The following TTLL9 variants were observed in gnomAD, a reference collection of about 807,000 sequenced individuals.
TTLL9 encodes the protein probable tubulin polyglutamylase TTLL9.
TTLL9 carries 47 observed loss-of-function variants against 65.6 expected under a neutral mutation model. That is an observed-to-expected ratio of 0.72 (90% confidence interval 0.57 to 0.91). The LOEUF is 0.91. Ranked by LOEUF, TTLL9 falls within the 40% of genes least tolerant of loss-of-function variation. TTLL9 has a pLI of 0.00. For synonymous variants in TTLL9, 179 were observed against 204.8 expected, an observed-to-expected ratio of 0.87 and a Z score of 1.07; for missense variants, 537 against 568.8, an observed-to-expected ratio of 0.94 and a Z score of 0.57.
At chr20:31,931,342 G>A (rs1400638419) in intron 10 of TTLL9, among the ~76,000 whole-genome samples, 1 of 152,012 alleles carries the variant, frequency 6.6e-6, no homozygotes, top group Non-Finnish European at 1.5e-5. Context: ...CCCTTCCAAA[G>A]TGCTGGGATT....
intron 2 of TTLL9, chr20:31,873,133 A>G: frequency 2.3e-6 from 1 of 430,544 alleles, no homozygotes. Flanking sequence ...TTCACAGGGC[A>G]GCTGAAAGGA....
intron 13 of TTLL9, chr20:31,938,184 G>A: frequency 2.2e-6 from 1 of 452,558 alleles, no homozygotes; most frequent in Non-Finnish European, 4.4e-6. Flanking sequence ...TCCAGCAGAA[G>A]TTTGAGGGCT....
chr20:31,870,867 C>T lies in TTLL9; in HGVS notation c.-88C>T, dbSNP rs1882765750. On this transcript the variant is annotated 5_prime_UTR_variant, in exon 1 of 15. Coordinates refer to ENST00000535842, the MANE Select transcript of TTLL9 (RefSeq NM_001008409.5). The surrounding 1 kb of genome is among the most constrained non-coding windows in gnomAD (Gnocchi z 6.6). Reference sequence around the variant, plus strand: ...GGAAAGCACCCAACTTCTCCCGCCTCGGCTTCTAGCAGAAACGTGACGGGG... The same window carrying T: ...GGAAAGCACCCAACTTCTCCCGCCTTGGCTTCTAGCAGAAACGTGACGGGG... 1.8e-6 allele frequency: 1 copy of T among 542,476 alleles called. No homozygotes were observed. Among genetic ancestry groups the T allele is most frequent in the South Asian group, 2.7e-5 (1 of 36,902 alleles). 33.6% of individuals were successfully genotyped at this position (542,476 alleles called of 1,614,324 possible).
At chr20:31,887,290 C>T (rs768990700) in intron 3 of TTLL9, 51 bp downstream of exon 3, 66 of 1,587,332 alleles carry the variant, frequency 4.2e-5, no homozygotes, top group Non-Finnish European at 5.5e-5. Context: ...ACTTCTCTCC[C>T]TCCCTCCCCT....
At chr20:31,927,524 G>T (rs1279933126) in intron 10 of TTLL9, among the ~76,000 whole-genome samples, 8 of 149,002 alleles carry the variant, frequency 5.4e-5, no homozygotes, top group Admixed American at 1.3e-4. Context: ...AATAGATGTT[G>T]CCTTTGGGAA....
At chr20:31,936,436 C>G (rs560302224) in intron 12 of TTLL9, among the ~76,000 whole-genome samples, 12 of 151,680 alleles carry the variant, frequency 7.9e-5, no homozygotes, top group Admixed American at 6.6e-4. Context: ...CACCACTGCT[C>G]TCTAGCCTGA....
chr20:31,908,788 A>G (rs902997947), intron 5 of TTLL9, 86 bp downstream of exon 5: 9 of 1,096,736 alleles, frequency 8.2e-6, no homozygotes, highest in Non-Finnish European at 1.2e-5. Context: ...AAGGATCAGA[A>G]AAGTGTATTA....
At chr20:31,933,480 T>G (rs2064054363) in intron 10 of TTLL9, among the ~76,000 whole-genome samples, 1 of 152,082 alleles carries the variant, frequency 6.6e-6, no homozygotes, top group South Asian at 2.1e-4. Context: ...AACCGTAGTA[T>G]AATAGCTATG....
chr20:31,894,583 T>C (rs2063355521), intron 3 of TTLL9, among the ~76,000 whole-genome samples: 1 of 152,206 alleles, frequency 6.6e-6, no homozygotes. Flanking sequence ...GCTTTGCTAT[T>C]GCATGTGTTA....
chr20:31,934,813 AG>A lies in TTLL9; in HGVS notation c.930del (p.Lys311ArgfsTer2). 6.2e-7 allele frequency: 1 copy of A among 1,614,054 alleles called. No individual in the cohort carries two copies. ...NIFVKSLQSV[Q>X]KVIISDKHCF... ...TTTGTCAAAAGCCTGCAGAGTGTGC[AG>A]AAGGTGATCATCAGTGACAAGCACT... On this transcript the variant is annotated frameshift_variant, in exon 12 of 15. Transcript: ENST00000535842. LOFTEE classifies it high-confidence loss of function.
chr20:31,933,808 C>G lies in TTLL9; in HGVS notation c.757C>G (p.Leu253Val). 1.9e-6 allele frequency: 3 copies of G among 1,614,084 alleles called. No homozygotes were observed. Among genetic ancestry groups the G allele is most frequent in the Non-Finnish European group, 2.5e-6 (3 of 1,179,930 alleles). Residue 253 changes from leucine (L) to valine (V), a missense_variant, in exon 11 of 15, where the codon CTC (leucine) becomes GTC (valine). Around this residue, in one of 3 missense-constraint regions of TTLL9, gnomAD observed 12 missense variants for 32.0 expected, o/e 0.37. Coordinates refer to ENST00000535842, the MANE Select transcript of TTLL9 (RefSeq NM_001008409.5). ...CCACCACCCTCTCCCAGATGTTCAC[C>G]TCACCAACGTGGCTGTGCAAAAAAC... ...WSGHRRQDVH[L>V]TNVAVQKTSP...
intron 8 of TTLL9, 87 bp downstream of exon 8, chr20:31,923,140 GC>G: frequency 9.5e-7 from 1 of 1,047,350 alleles, no homozygotes; most frequent in Non-Finnish European, 1.5e-6. Flanking sequence ...CCTGCCAAGG[GC>G]CCAGCCTGAC....
rs772000244 is a variant in TTLL9, at chr20:31,934,809, G to A, written c.925G>A (p.Val309Met). ...CATCTTTGTCAAAAGCCTGCAGAGT[G>A]TGCAGAAGGTGATCATCAGTGACAA... is the stretch of plus-strand genomic sequence containing the variant. ...DNIFVKSLQS[V>M]QKVIISDKHC... The change falls in exon 12 of 15, where the codon GTG becomes ATG. Residue 309 changes from valine to methionine, a missense_variant. This residue lies in a region of TTLL9 where 205 missense variants were observed against 225.9 expected (regional missense o/e 0.91). Transcript: ENST00000535842. 6.8e-6 allele frequency: 11 copies of A among 1,614,060 alleles called. No individual in the cohort carries two copies. The highest frequency in any genetic ancestry group is 1.7e-5 in the Admixed American group (1 of 60,022).
At chr20:31,909,956 G>GGGGGGC in intron 6 of TTLL9, 34 bp downstream of exon 6, 1 of 658,920 alleles carries the variant, frequency 1.5e-6, no homozygotes, top group Non-Finnish European at 2.8e-6. Context: ...GGGTGGGAGG[G>GGGGGGC]AATGAGTCCC....
intron 11 of TTLL9, chr20:31,934,276 G>A (rs2064069544): frequency 2.0e-6 from 1 of 509,158 alleles, no homozygotes; most frequent in Non-Finnish European, 3.8e-6. Context: ...GGACACAGGA[G>A]AGCAGGTCCC....
chr20:31,881,071 C>T (rs1299486853), intron 2 of TTLL9, among the ~76,000 whole-genome samples: 1 of 151,784 alleles, frequency 6.6e-6, no homozygotes, highest in African/African-American at 2.4e-5. Context: ...GCTATGTTGC[C>T]CAGCCTTGTC....
At chr20:31,920,518 G>A (rs2063801177) in intron 7 of TTLL9, 1 of 152,846 alleles carries the variant, frequency 6.5e-6, no homozygotes, top group South Asian at 2.1e-4. Flanking sequence ...CTCTGAACCT[G>A]AGCGGTGACG....
rs547641483 is a variant in TTLL9 at position 31,877,424 on chromosome 20, C to T, written c.69+6229C>T. Reference sequence around the variant, plus strand: ...CTGAGATTACAGGCGTGAGCCACCGCGCCCGGCCTGGCAGTTTAAATTTTG... The same window carrying T: ...CTGAGATTACAGGCGTGAGCCACCGTGCCCGGCCTGGCAGTTTAAATTTTG... On this transcript the variant is annotated intron_variant, in intron 2 of 14. Transcript: ENST00000535842. Among the ~76,000 whole-genome samples, 445 of 152,288 alleles carry T rather than the reference C, an allele frequency of 2.9e-3. 3 individuals carry two copies. The highest frequency in any genetic ancestry group is 9.6e-3 in the African/African-American group (398 of 41,552).
At chr20:31,920,228 C>T (rs555683230) in intron 7 of TTLL9, among the ~76,000 whole-genome samples, 96 of 104,562 alleles carry the variant, frequency 9.2e-4, no homozygotes, top group Non-Finnish European at 1.4e-3. Context: ...AGCAAACACG[C>T]GCACACACAC....
Sources: gnomAD v4.1 joint callset for allele counts (sites outside exome capture counted in the v4.1 genomes callset) on GRCh38, gnomAD v4.1.1 for gene constraint, gnomAD v4.1.1 regional missense constraint, Gnocchi (gnomAD v3.1) non-coding constraint, MANE v1.5 for transcripts, NCBI Gene and HGNC (gene_info 2026-07-23, HGNC 2026-07-21) for gene names.